Variants in CIROZ observed in about 807,000 individuals in gnomAD.
CIROZ encodes ciliated left-right organizer protein containing ZP-N domains.
chr1:10,955,575 G>A, the CIROZ span, among the ~76,000 whole-genome samples: 1 of 152,124 alleles, frequency 6.6e-6, no homozygotes, highest in Non-Finnish European at 1.5e-5. Flanking sequence ...AGGCACAGTG[G>A]TCCATGCCTG....
chr1:10,968,838 T>G, the CIROZ span, among the ~76,000 whole-genome samples: 1 of 152,382 alleles, frequency 6.6e-6, no homozygotes, highest in African/African-American at 2.4e-5. Context: ...CGCTTAAAAC[T>G]TCTTTATAAT....
At chr1:10,963,964 A>G in the CIROZ span, among the ~76,000 whole-genome samples, 2 of 152,016 alleles carry the variant, frequency 1.3e-5, no homozygotes, top group Admixed American at 6.6e-5. Context: ...GCCAGTACCC[A>G]GGGATGTCTA....
At chr1:10,948,354 G>GT in the CIROZ span, 1 of 1,613,552 alleles carries the variant, frequency 6.2e-7, no homozygotes, top group Non-Finnish European at 8.5e-7. Flanking sequence ...GGCCCGCCAG[G>GT]GCCTCGCCAA....
chr1:10,948,552 G>A, the CIROZ span: 6 of 1,614,116 alleles, frequency 3.7e-6, no homozygotes, highest in Non-Finnish European at 5.1e-6. Context: ...AAGTGATTCA[G>A]GTCGTTCAGG....
the CIROZ span, chr1:10,976,017 A>G: frequency 1.5e-6 from 1 of 667,482 alleles, no homozygotes; most frequent in East Asian, 2.9e-5. Flanking sequence ...ACAGCCTGAA[A>G]TCCACGCTTT....
the CIROZ span, among the ~76,000 whole-genome samples, chr1:10,962,139 A>G: frequency 6.6e-6 from 1 of 151,940 alleles, no homozygotes; most frequent in Non-Finnish European, 1.5e-5. Context: ...TGAGCCGCAC[A>G]GTGCCTACAA....
the CIROZ span, chr1:10,964,399 G>T: frequency 6.9e-6 from 8 of 1,161,620 alleles, no homozygotes; most frequent in African/African-American, 1.6e-5. Context: ...TGGGCTTGTG[G>T]AAGAGGGATG....
chr1:10,973,720 T>G, the CIROZ span, among the ~76,000 whole-genome samples: 6 of 151,938 alleles, frequency 3.9e-5, no homozygotes, highest in African/African-American at 1.5e-4. Context: ...CTCGGCAACC[T>G]CCCAAACCGC....
chr1:10,974,880 C>T, the CIROZ span, among the ~76,000 whole-genome samples: 8 of 152,150 alleles, frequency 5.3e-5, no homozygotes, highest in Admixed American at 5.2e-4. This position sits in a 1 kb window ranked among gnomAD's most constrained non-coding sequence, Gnocchi z 4.4. Context: ...TGGTATTGGG[C>T]TCCCTTGAAC....
At chr1:10,980,767 G>GT in the CIROZ span, among the ~76,000 whole-genome samples, 1 of 152,276 alleles carries the variant, frequency 6.6e-6, no homozygotes, top group East Asian at 1.9e-4. Flanking sequence ...GTGGGTTTGG[G>GT]TTTTTCCCCC....
the CIROZ span, chr1:10,957,857 G>T: frequency 7.6e-6 from 10 of 1,314,380 alleles, no homozygotes; most frequent in African/African-American, 1.2e-4. Flanking sequence ...AGGCAACAGG[G>T]TCACGGGGAG....
chr1:10,976,288 T>G, the CIROZ span: 11 of 1,373,696 alleles, frequency 8.0e-6, no homozygotes, highest in Admixed American at 8.0e-5. Flanking sequence ...GGTGGGGACA[T>G]GCACCGCCCA....
the CIROZ span, chr1:10,957,886 G>T: frequency 1.0e-6 from 1 of 1,000,366 alleles, no homozygotes; most frequent in Non-Finnish European, 1.5e-6. Context: ...AGGCCAGGAG[G>T]CAGGACGGCA....
At chr1:10,950,496 G>A in the CIROZ span, among the ~76,000 whole-genome samples, 2 of 152,178 alleles carry the variant, frequency 1.3e-5, no homozygotes, top group African/African-American at 4.8e-5. Context: ...ACAGAGAACC[G>A]GAGAGTGCTC....
chr1:10,975,909 C>G, the CIROZ span, among the ~76,000 whole-genome samples: 1 of 152,074 alleles, frequency 6.6e-6, no homozygotes. Context: ...ATTATTGAAA[C>G]AAGCACCGAG....
the CIROZ span, among the ~76,000 whole-genome samples, chr1:10,962,510 T>G: frequency 2.0e-5 from 3 of 152,164 alleles, no homozygotes; most frequent in African/African-American, 7.2e-5. Flanking sequence ...ATTATAGATT[T>G]CCAGTTTATC....
the CIROZ span, among the ~76,000 whole-genome samples, chr1:10,970,704 G>T: frequency 6.6e-6 from 1 of 152,138 alleles, no homozygotes; most frequent in Non-Finnish European, 1.5e-5. Flanking sequence ...CTAAGGCGGG[G>T]CCTGAGATTC....
At chr1:10,951,745 A>AATATATATATATATAT in the CIROZ span, among the ~76,000 whole-genome samples, 1 of 119,206 alleles carries the variant, frequency 8.4e-6, no homozygotes. Context: ...AAAAAAAAAA[A>AATATATATATATATAT]ATATATATAT....
At chr1:10,976,462 T>C in the CIROZ span, among the ~76,000 whole-genome samples, 94 of 152,090 alleles carry the variant, frequency 6.2e-4, 2 homozygotes, top group East Asian at 0.017. Context: ...AGCAGTTCTC[T>C]GCCTCAGCCT....
Sources: allele counts gnomAD v4.1 joint callset (sites outside exome capture counted in the v4.1 genomes callset), GRCh38; gene constraint gnomAD v4.1.1; non-coding constraint Gnocchi (gnomAD v3.1); transcripts MANE v1.5; gene names NCBI Gene and HGNC (gene_info 2026-07-23, HGNC 2026-07-21).